The following TENM3 variants were observed in gnomAD, a reference collection of about 807,000 sequenced individuals.
The protein encoded by TENM3 is teneurin transmembrane protein 3, also known as teneurin-3.
A neutral mutation model predicts 255.1 loss-of-function variants in TENM3; 63 were observed. That is an observed-to-expected ratio of 0.25 (90% CI 0.20 to 0.30). The LOEUF is 0.30. TENM3 is among the 10% of genes least tolerant of loss of function. TENM3 has a pLI of 1.00. For missense variants in TENM3, 2,929 were observed against 3,461.1 expected (o/e 0.85, Z 3.86); for synonymous variants, 1,306 against 1,322.3 (o/e 0.99, Z 0.27).
intron 1 of TENM3, among the ~76,000 whole-genome samples, chr4:182,322,652 A>G (rs936320453): frequency 2.6e-5 from 4 of 152,202 alleles, no homozygotes; most frequent in Admixed American, 1.3e-4. Flanking sequence ...AATGAGCTGT[A>G]TGATGTGTAT....
chr4:182,079,722 T>C, the TENM3 span: 8 of 152,352 alleles, frequency 5.3e-5, no homozygotes, highest in Non-Finnish European at 1.0e-4. Flanking sequence ...TGTCCAGCAG[T>C]AGTGCAGAGC....
the TENM3 span, among the ~76,000 whole-genome samples, chr4:181,612,707 A>G: frequency 6.6e-6 from 1 of 152,172 alleles, no homozygotes; most frequent in Admixed American, 6.5e-5. Context: ...AAACCATCGA[A>G]TAGCAAGAAG....
At chr4:182,246,288 A>C (rs900606847) in intron 1 of TENM3, among the ~76,000 whole-genome samples, 1 of 152,184 alleles carries the variant, frequency 6.6e-6, no homozygotes, top group Non-Finnish European at 1.5e-5. Flanking sequence ...AAAAGAAGTC[A>C]TGGAAGCAAC....
At chr4:181,813,051 A>G in the TENM3 span, among the ~76,000 whole-genome samples, 2 of 152,320 alleles carry the variant, frequency 1.3e-5, no homozygotes, top group Middle Eastern at 6.8e-3. Flanking sequence ...TGGGTGGCTT[A>G]CAAACAACAG....
At chr4:182,111,189 CTTTTTT>C in the TENM3 span, among the ~76,000 whole-genome samples, 29 of 80,534 alleles carry the variant, frequency 3.6e-4, 1 homozygote, top group South Asian at 0.01. Context: ...GTCTTCTTCT[CTTTTTT>C]TTTTTTTTTT....
At chr4:181,760,514 T>C in the TENM3 span, among the ~76,000 whole-genome samples, 1 of 152,150 alleles carries the variant, frequency 6.6e-6, no homozygotes, top group African/African-American at 2.4e-5. Context: ...AAGTATATAT[T>C]ATTTGTAGTT....
the TENM3 span, among the ~76,000 whole-genome samples, chr4:182,058,872 G>T: frequency 6.6e-6 from 1 of 151,876 alleles, no homozygotes; most frequent in East Asian, 1.9e-4. Flanking sequence ...AAAAGCAGAT[G>T]ATAGAAATTT....
intron 22 of TENM3, among the ~76,000 whole-genome samples, chr4:182,757,237 G>A (rs529881014): frequency 2.0e-5 from 3 of 149,602 alleles, no homozygotes; most frequent in East Asian, 2.0e-4. Flanking sequence ...GCATGAACCC[G>A]GGAGGTGGAG....
intron 26 of TENM3, among the ~76,000 whole-genome samples, chr4:182,796,073 G>A (rs1307516778): frequency 6.6e-6 from 1 of 152,234 alleles, no homozygotes; most frequent in Non-Finnish European, 1.5e-5. Flanking sequence ...CACAACTGAT[G>A]GTAATCAGGA....
At chr4:182,286,519 C>T (rs562414838) in intron 1 of TENM3, among the ~76,000 whole-genome samples, 1 of 152,322 alleles carries the variant, frequency 6.6e-6, no homozygotes, top group South Asian at 2.1e-4. Flanking sequence ...TCAACCCCCA[C>T]ATCTCTTCCC....
chr4:182,499,966 G>C (rs949471980), intron 3 of TENM3, among the ~76,000 whole-genome samples: 3 of 152,124 alleles, frequency 2.0e-5, no homozygotes, highest in Non-Finnish European at 4.4e-5. Context: ...TTTCCATCAT[G>C]TACCTCCTGA....
At chr4:182,101,096 G>GGA in the TENM3 span, among the ~76,000 whole-genome samples, 4 of 26,848 alleles carry the variant, frequency 1.5e-4, no homozygotes, top group Non-Finnish European at 4.0e-4. Flanking sequence ...GGGAGGGAGG[G>GGA]AGGGAGGGAG....
chr4:182,468,375 A>G (rs1732790457), intron 3 of TENM3, among the ~76,000 whole-genome samples: 1 of 152,212 alleles, frequency 6.6e-6, no homozygotes, highest in Admixed American at 6.5e-5. Flanking sequence ...TAAGGTATAT[A>G]TGCTGTGCTG....
the TENM3 span, among the ~76,000 whole-genome samples, chr4:181,770,145 G>A: frequency 2.0e-5 from 3 of 152,076 alleles, no homozygotes; most frequent in African/African-American, 4.8e-5. Context: ...ATCCATAAAC[G>A]TGATTATGGT....
the TENM3 span, among the ~76,000 whole-genome samples, chr4:181,692,611 C>T: frequency 6.6e-6 from 1 of 152,120 alleles, no homozygotes; most frequent in South Asian, 2.1e-4. Context: ...TTGTAAAAAT[C>T]TGTGTCCTTG....
At chr4:182,188,986 T>C (rs1431939458) in intron 1 of TENM3, among the ~76,000 whole-genome samples, 1 of 152,108 alleles carries the variant, frequency 6.6e-6, no homozygotes. Context: ...AATATTTTGA[T>C]TTTAATCAAA....
At chr4:181,569,186 C>A in the TENM3 span, among the ~76,000 whole-genome samples, 1 of 152,026 alleles carries the variant, frequency 6.6e-6, no homozygotes, top group East Asian at 1.9e-4. Context: ...AAAACAGCAA[C>A]AACAAATGTG....
the TENM3 span, among the ~76,000 whole-genome samples, chr4:182,024,486 T>C: frequency 6.6e-6 from 1 of 152,232 alleles, no homozygotes; most frequent in African/African-American, 2.4e-5. Flanking sequence ...AAATGATTTA[T>C]GGTATATTTC....
chr4:182,609,605 A>G (rs955174772), intron 4 of TENM3, among the ~76,000 whole-genome samples: 3 of 152,212 alleles, frequency 2.0e-5, no homozygotes, highest in Non-Finnish European at 4.4e-5. Context: ...CACTTGAAAT[A>G]CTGCTACCAG....
Sources: allele counts gnomAD v4.1 joint callset (sites outside exome capture counted in the v4.1 genomes callset), GRCh38; gene constraint gnomAD v4.1.1; transcripts MANE v1.5; gene names NCBI Gene and HGNC (gene_info 2026-07-23, HGNC 2026-07-21).